Variants in PACS1 observed in about 807,000 individuals in gnomAD.
PACS1 encodes PACS-1.
Under a neutral mutation model 115.0 loss-of-function variants are expected in PACS1, and 24 were observed. The observed-to-expected ratio is 0.21, with a 90% confidence interval of 0.15 to 0.29. The LOEUF is 0.29. PACS1 is among the 10% of genes least tolerant of loss of function. PACS1 has a pLI of 1.00. For missense variants in PACS1, 838 were observed against 1,251.2 expected, an observed-to-expected ratio of 0.67 and a Z score of 4.98; for synonymous variants, 453 against 504.5, an observed-to-expected ratio of 0.90 and a Z score of 1.37.
chr11:66,243,018 G>A lies in PACS1; in HGVS notation c.2763G>A (p.Gln921=). ...TCATCTGCTCAGCCAAGCAGCAGCA[G>A]ACTATGCTGAGAGGTGCGAGGGCAG... ...SRLICSAKQQ[Q]TMLRVSIDGV... Residue 921 remains glutamine, a synonymous_variant, in exon 23 of 24, where the codon CAG becomes CAA. Coordinates refer to ENST00000320580, the MANE Select transcript of PACS1 (RefSeq NM_018026.4). The A allele has an allele frequency of 6.2e-7, 1 of 1,614,016 alleles. No individual in the cohort carries two copies. Among genetic ancestry groups the A allele is most frequent in the Non-Finnish European group, 8.5e-7 (1 of 1,179,956 alleles).
At chr11:66,146,422 A>G (rs1859125666) in intron 1 of PACS1, among the ~76,000 whole-genome samples, 1 of 152,186 alleles carries the variant, frequency 6.6e-6, no homozygotes, top group Admixed American at 6.5e-5. Context: ...AAAATTAAAA[A>G]TTCACTACAG....
chr11:66,231,941 T>C (rs1855604815), intron 13 of PACS1: 1 of 453,468 alleles, frequency 2.2e-6, no homozygotes, highest in Non-Finnish European at 4.0e-6. Flanking sequence ...ACAACCGCTG[T>C]GGCTTTGTTC....
At chr11:66,193,056 A>G (rs1854564578) in intron 1 of PACS1, among the ~76,000 whole-genome samples, 1 of 152,208 alleles carries the variant, frequency 6.6e-6, no homozygotes, top group African/African-American at 2.4e-5. Context: ...GAACTGTGTG[A>G]TTCTCCTCCC....
chr11:66,168,878 G>A (rs1387660617), intron 1 of PACS1, among the ~76,000 whole-genome samples: 1 of 149,992 alleles, frequency 6.7e-6, no homozygotes, highest in Non-Finnish European at 1.5e-5. Flanking sequence ...CTAGCAACCT[G>A]GTTAATCTCT....
chr11:66,178,311 T>C (rs1385947084), intron 1 of PACS1, among the ~76,000 whole-genome samples: 1 of 152,206 alleles, frequency 6.6e-6, no homozygotes, highest in African/African-American at 2.4e-5. Context: ...ATATTGTTAG[T>C]GTTGCATGTT....
intron 8 of PACS1, 28 bp downstream of exon 8, chr11:66,219,833 G>C: frequency 6.5e-7 from 1 of 1,526,742 alleles, no homozygotes; most frequent in South Asian, 1.1e-5. Flanking sequence ...CAAGGTTAAT[G>C]GTGAGTAGAA....
intron 1 of PACS1, among the ~76,000 whole-genome samples, chr11:66,097,600 T>TGTGAG (rs1857814846): frequency 6.6e-6 from 1 of 152,222 alleles, no homozygotes; most frequent in Admixed American, 6.5e-5. Context: ...GCTTTTGACC[T>TGTGAG]ATAGAATCTG....
Position 66,216,753 on chromosome 11 carries a change from C to T in PACS1, c.956C>T (p.Thr319Ile), listed in dbSNP as rs1318253211. 6.2e-7 allele frequency: 1 copy of T among 1,613,774 alleles called. No homozygotes were observed. Among genetic ancestry groups the T allele is most frequent in the African/African-American group, 1.3e-5 (1 of 74,870 alleles). Residue 319 changes from threonine to isoleucine, a missense_variant, in exon 7 of 24, where the codon ACC (threonine) becomes ATC (isoleucine). By Grantham distance (89) the Thr-to-Ile change is moderately conservative (BLOSUM62 -1). Around this residue, in one of 6 missense-constraint regions of PACS1, gnomAD observed 223 missense variants for 354.0 expected, o/e 0.63. Coordinates refer to ENST00000320580, the MANE Select transcript of PACS1 (RefSeq NM_018026.4). Reference protein sequence around the residue: ...RKVKKTRRKLTSTSAITRQPN... With the variant: ...RKVKKTRRKLISTSAITRQPN... ...GTGAAGAAGACCCGGAGGAAACTAA[C>T]CTCAACCTCTGCCATCACAAGGGTG...
chr11:66,220,567 T>C (rs1373306548), intron 8 of PACS1, 64 bp from the exon 9 acceptor site: 10 of 1,544,338 alleles, frequency 6.5e-6, no homozygotes, highest in Non-Finnish European at 8.9e-6. Context: ...AGAAAGGAGC[T>C]GCTCATCAAC....
At chr11:66,090,271 CTTTTTTTTT>C (rs930565654) in intron 1 of PACS1, among the ~76,000 whole-genome samples, 43 of 109,432 alleles carry the variant, frequency 3.9e-4, no homozygotes, top group African/African-American at 1.5e-3. Flanking sequence ...TCTTTCCTTT[CTTTTTTTTT>C]TTTTTTTTTT....
intron 1 of PACS1, among the ~76,000 whole-genome samples, chr11:66,146,344 A>G (rs1859123774): frequency 1.3e-5 from 2 of 152,222 alleles, no homozygotes; most frequent in South Asian, 2.1e-4. Context: ...GACTCAATAA[A>G]TCTCAATAAA....
chr11:66,172,225 T>C (rs1008848066), intron 1 of PACS1, among the ~76,000 whole-genome samples: 7 of 152,232 alleles, frequency 4.6e-5, no homozygotes, highest in Non-Finnish European at 8.8e-5. Flanking sequence ...CGGTATATCC[T>C]TAAGACACTT....
intron 1 of PACS1, among the ~76,000 whole-genome samples, chr11:66,071,188 C>T (rs1304757810): frequency 1.3e-5 from 2 of 152,228 alleles, no homozygotes; most frequent in African/African-American, 4.8e-5. Flanking sequence ...GGGAGCTGTA[C>T]ATACATGGAT....
At chr11:66,191,283 T>A (rs1854514169) in intron 1 of PACS1, among the ~76,000 whole-genome samples, 2 of 152,162 alleles carry the variant, frequency 1.3e-5, no homozygotes, top group South Asian at 2.1e-4. Flanking sequence ...GCTCTTGTGA[T>A]CATATTGGGT....
At chr11:66,112,539 C>T (rs776027989) in intron 1 of PACS1, among the ~76,000 whole-genome samples, 8 of 152,080 alleles carry the variant, frequency 5.3e-5, no homozygotes, top group Admixed American at 2.6e-4. Context: ...ATACCTTATC[C>T]GACATGATTT....
At chr11:66,114,649 A>G (rs1858264061) in intron 1 of PACS1, among the ~76,000 whole-genome samples, 1 of 152,190 alleles carries the variant, frequency 6.6e-6, no homozygotes, top group African/African-American at 2.4e-5. Flanking sequence ...ATTTAGTTAT[A>G]TAATTATTCT....
chr11:66,149,679 C>CATGTGT lies in PACS1; in HGVS notation c.357-43807_357-43806insATGTGT, dbSNP rs1554982390. Among the ~76,000 whole-genome samples the CATGTGT allele has an allele frequency of 8.7e-3, 1,025 of 118,416 alleles. 14 individuals are homozygous for CATGTGT. Among genetic ancestry groups the CATGTGT allele is most frequent in the African/African-American group, 0.026 (917 of 35,788 alleles). 77.7% of individuals were successfully genotyped at this position (118,416 alleles called of 152,430 possible). On this transcript the variant is annotated intron_variant, in intron 1 of 23. Coordinates refer to ENST00000320580, the MANE Select transcript of PACS1 (RefSeq NM_018026.4). ...CTACATCCATTCCACATCTTGTGTTCGTGTGTGTGTGTGTGTGTGTGTGTG... is the reference window on the plus strand; with the variant it reads ...CTACATCCATTCCACATCTTGTGTTCATGTGTGTGTGTGTGTGTGTGTGTGTGTGTG...
intron 1 of PACS1, chr11:66,100,626 G>T (rs1857895934): frequency 2.9e-6 from 1 of 347,606 alleles, no homozygotes; most frequent in African/African-American, 2.1e-5. Flanking sequence ...AATAAGGGAA[G>T]AACTATTTTG....
intron 1 of PACS1, among the ~76,000 whole-genome samples, chr11:66,156,300 G>A (rs1387981803): frequency 7.1e-6 from 1 of 141,064 alleles, no homozygotes; most frequent in Non-Finnish European, 1.5e-5. Context: ...CCCCAGGCTG[G>A]AGTGCAGTGG....
Sources: allele counts gnomAD v4.1 joint callset (sites outside exome capture counted in the v4.1 genomes callset), GRCh38; gene constraint gnomAD v4.1.1; regional missense constraint gnomAD v4.1.1; transcripts MANE v1.5; gene names NCBI Gene and HGNC (gene_info 2026-07-23, HGNC 2026-07-21).